GRM1: variants seen among roughly 807,000 people sequenced by gnomAD.
The protein encoded by GRM1 is glutamate metabotropic receptor 1.
GRM1 carries 33 observed loss-of-function variants against 90.9 expected under a neutral mutation model. The ratio of observed to expected loss-of-function variants is 0.36; its 90% confidence interval spans 0.28 to 0.49. GRM1 has a LOEUF of 0.49. GRM1 is among the 20% of genes least tolerant of loss of function. GRM1 has a pLI of 0.99. For synonymous variants in GRM1, 700 were observed against 613.2 expected, an observed-to-expected ratio of 1.14 and a Z score of -2.09; for missense variants, 1,190 against 1,534.3, an observed-to-expected ratio of 0.78 and a Z score of 3.75.
chr6:146,239,719 T>C (rs919069346), intron 2 of GRM1, among the ~76,000 whole-genome samples: 1 of 152,146 alleles, frequency 6.6e-6, no homozygotes, highest in Non-Finnish European at 1.5e-5. Flanking sequence ...TATAAACACA[T>C]TTTAGAATTA....
intron 2 of GRM1, among the ~76,000 whole-genome samples, chr6:146,195,017 G>T (rs1345110297): frequency 6.6e-6 from 1 of 152,144 alleles, no homozygotes; most frequent in Non-Finnish European, 1.5e-5. Context: ...AGAATGTCCA[G>T]AAGATTGTAA....
chr6:146,434,846 C>T lies in GRM1; in HGVS notation c.*50C>T. The T allele has an allele frequency of 6.8e-7, 1 of 1,460,180 alleles. No homozygotes were observed. The highest frequency in any genetic ancestry group is 9.5e-7 in the Non-Finnish European group (1 of 1,053,870). The allele number at this position is 1,460,180 out of a possible 1,614,324, so 90.5% of individuals were successfully genotyped here. Reference sequence around the variant, plus strand: ...CAAGACAAGCCAGAGATCTCCCACACCTCCAGAGATGTGCAAACAGCTGGG... The same window carrying T: ...CAAGACAAGCCAGAGATCTCCCACATCTCCAGAGATGTGCAAACAGCTGGG... On this transcript the variant is annotated 3_prime_UTR_variant, in exon 8 of 8. Transcript: ENST00000282753.
chr6:146,291,323 CT>C (rs1024147271), intron 2 of GRM1, among the ~76,000 whole-genome samples: 1 of 150,622 alleles, frequency 6.6e-6, no homozygotes, highest in East Asian at 1.9e-4. Flanking sequence ...GCCAATATTG[CT>C]TTTTTTGATA....
rs17075675 is a variant in GRM1, at chr6:146,097,970, T to A, written c.701-61378T>A. On this transcript the variant is annotated intron_variant, in intron 1 of 7. Coordinates refer to ENST00000282753, the MANE Select transcript of GRM1 (RefSeq NM_001278064.2). ...GATCTCCTTATTGACCACAGATTAT[T>A]CCTCTGTTCAGCACTCCTTATTCTT... is the stretch of plus-strand genomic sequence containing the variant. Among the ~76,000 whole-genome samples, 1,395 of 152,346 alleles carry A rather than the reference T, an allele frequency of 9.2e-3. 51 individuals are homozygous for A. Among genetic ancestry groups the A allele is most frequent in the Admixed American group, 0.064 (986 of 15,304 alleles).
At position 146,296,140 on chromosome 6, in the gene GRM1, T is replaced by C. The variant is rs1037486944; in HGVS notation, c.951-8471T>C. 1.1e-4 allele frequency among the ~76,000 whole-genome samples: 16 copies of C among 152,230 alleles called. 1 individual carries two copies. The highest frequency in any genetic ancestry group is 3.9e-4 in the African/African-American group (16 of 41,464). On this transcript the variant is annotated intron_variant, in intron 2 of 7. Transcript: ENST00000282753. ...GTTATAGATGGGCACTTAGATTGAT[T>C]CTGTGTCTTTGCTATTGTGAATAGT...
At chr6:146,173,504 T>G (rs1033496853) in intron 2 of GRM1, among the ~76,000 whole-genome samples, 1 of 151,794 alleles carries the variant, frequency 6.6e-6, no homozygotes, top group Non-Finnish European at 1.5e-5. Context: ...TCTCTTTTTG[T>G]GAATAAACTG....
chr6:146,415,270 CTTCT>C (rs1421436410), intron 7 of GRM1, among the ~76,000 whole-genome samples: 9 of 152,126 alleles, frequency 5.9e-5, no homozygotes, highest in African/African-American at 2.2e-4. Flanking sequence ...AGTAATCTCA[CTTCT>C]GAAGCCTCTA....
At chr6:146,030,354 C>A in intron 1 of GRM1, 137 bp downstream of exon 1, 1 of 717,530 alleles carries the variant, frequency 1.4e-6, no homozygotes, top group Non-Finnish European at 2.5e-6. Context: ...TACTGCCCAC[C>A]CAGGCATTGC....
chr6:146,367,705 G>A (rs1394627124), intron 5 of GRM1, among the ~76,000 whole-genome samples: 1 of 152,138 alleles, frequency 6.6e-6, no homozygotes, highest in Non-Finnish European at 1.5e-5. Flanking sequence ...TGCTTAGGAT[G>A]ATGGCCTCCA....
chr6:146,200,935 T>G (rs894785012), intron 2 of GRM1, among the ~76,000 whole-genome samples: 4 of 152,212 alleles, frequency 2.6e-5, no homozygotes, highest in African/African-American at 9.6e-5. Context: ...TTAGTTCTTT[T>G]GCTCTGCTCA....
intron 2 of GRM1, among the ~76,000 whole-genome samples, chr6:146,213,471 G>C (rs893092625): frequency 1.3e-5 from 2 of 152,046 alleles, no homozygotes; most frequent in Non-Finnish European, 2.9e-5. Flanking sequence ...TTGAAGAAAG[G>C]GATCCTGTAA....
chr6:146,433,842 C>A lies in GRM1; in HGVS notation c.2661-30C>A, dbSNP rs745725319. 4 of 1,452,784 alleles carry A rather than the reference C, an allele frequency of 2.8e-6. No individual in the cohort carries two copies. The East Asian group carries it at 6.8e-5, about 25-fold the overall frequency. 90.0% of individuals were successfully genotyped at this position (1,452,784 alleles called of 1,614,324 possible). On this transcript the variant is annotated intron_variant, in intron 7 of 7. Coordinates refer to ENST00000282753, the MANE Select transcript of GRM1 (RefSeq NM_001278064.2). ...TTATCCTGTGTGCATGATCTATCTGCAAATAAATCCATCTCTATTTTATTC... is the reference window on the plus strand; with the variant it reads ...TTATCCTGTGTGCATGATCTATCTGAAAATAAATCCATCTCTATTTTATTC...
chr6:146,346,732 A>G (rs1405391604), intron 3 of GRM1, among the ~76,000 whole-genome samples: 1 of 152,222 alleles, frequency 6.6e-6, no homozygotes, highest in African/African-American at 2.4e-5. Context: ...ATTTAAAGGA[A>G]TCTGAATTTC....
At chr6:146,086,912 G>A (rs940452002) in intron 1 of GRM1, among the ~76,000 whole-genome samples, 9 of 152,178 alleles carry the variant, frequency 5.9e-5, no homozygotes, top group East Asian at 1.9e-4. Flanking sequence ...GCAGCATAAA[G>A]ATACTCCAGT....
intron 3 of GRM1, among the ~76,000 whole-genome samples, chr6:146,308,151 T>G (rs887998344): frequency 6.6e-6 from 1 of 152,210 alleles, no homozygotes; most frequent in African/African-American, 2.4e-5. Context: ...CTGATGAGAC[T>G]TATTAGAAAT....
intron 1 of GRM1, among the ~76,000 whole-genome samples, chr6:146,059,003 A>G (rs915065478): frequency 6.6e-6 from 1 of 152,166 alleles, no homozygotes; most frequent in African/African-American, 2.4e-5. Flanking sequence ...AAAGACCTTC[A>G]TGAAGGGTGG....
chr6:146,047,505 T>C (rs1278558655), intron 1 of GRM1, among the ~76,000 whole-genome samples: 1 of 150,924 alleles, frequency 6.6e-6, no homozygotes, highest in Non-Finnish European at 1.5e-5. Flanking sequence ...CGCCTCTCAG[T>C]GAAGCAAAAG....
chr6:146,337,844 A>G (rs751662466), intron 3 of GRM1, among the ~76,000 whole-genome samples: 12 of 152,256 alleles, frequency 7.9e-5, no homozygotes, highest in Non-Finnish European at 1.5e-4. Flanking sequence ...AAAATGATTT[A>G]CTTCCCCTAG....
At chr6:146,264,594 T>C (rs1781812991) in intron 2 of GRM1, among the ~76,000 whole-genome samples, 1 of 152,028 alleles carries the variant, frequency 6.6e-6, no homozygotes, top group African/African-American at 2.4e-5. Context: ...ATGAACATAT[T>C]GCATAATGGT....
Sources: gnomAD v4.1 joint callset for allele counts (sites outside exome capture counted in the v4.1 genomes callset) on GRCh38, gnomAD v4.1.1 for gene constraint, MANE v1.5 for transcripts, NCBI Gene and HGNC (gene_info 2026-07-23, HGNC 2026-07-21) for gene names.